RHEB: variants seen among roughly 807,000 people sequenced by gnomAD.
The protein encoded by RHEB is Ras homolog, mTORC1 binding, also known as GTP-binding protein Rheb.
A neutral mutation model predicts 28.8 loss-of-function variants in RHEB; 2 were observed. The observed-to-expected ratio is 0.07, with a 90% CI of 0.03 to 0.22. The LOEUF (loss-of-function observed/expected upper bound fraction) is 0.22, where lower values mean the gene tolerates loss of function less well. Among genes scored for constraint, RHEB ranks in the 10% least tolerant of loss-of-function variants. The pLI, the probability that RHEB is intolerant of heterozygous loss-of-function variation, is 1.00. For missense variants in RHEB, 76 were observed against 219.9 expected (o/e 0.35, Z 4.14); for synonymous variants, 69 against 77.3 (o/e 0.89, Z 0.56).
In RHEB at chr7:151,519,611, A is replaced by G. The variant is rs1803145635; in HGVS notation, c.-100T>C. 4.2e-6 allele frequency: 5 copies of G among 1,201,896 alleles called. No individual in the cohort carries two copies. The South Asian group carries it at 6.3e-5, about 15-fold the overall frequency. 74.5% of individuals were successfully genotyped at this position (1,201,896 alleles called of 1,614,324 possible). ...CGGCCGCGCCGGGAGAGAGCGGCAT[A>G]CAGAGCAGGGGCGGCGGCGGGCGCG... On this transcript the variant is annotated 5_prime_UTR_variant, in exon 1 of 8. Transcript: ENST00000262187.
chr7:151,483,012 C>A (rs1158199273), intron 3 of RHEB, among the ~76,000 whole-genome samples: 1 of 152,172 alleles, frequency 6.6e-6, no homozygotes, highest in Non-Finnish European at 1.5e-5. Context: ...CCTAGGATGG[C>A]TCTGCTCTAA....
At chr7:151,507,694 G>GA (rs1669358541) in intron 1 of RHEB, among the ~76,000 whole-genome samples, 4 of 151,932 alleles carry the variant, frequency 2.6e-5, no homozygotes, top group South Asian at 2.1e-4. Context: ...TTAAAAAAAA[G>GA]AAAAAATTAA....
rs186543410 is a variant in RHEB, at chr7:151,508,907, A to G, written c.52+10553T>C. Among the ~76,000 whole-genome samples, 25 of 152,304 alleles carry G rather than the reference A, an allele frequency of 1.6e-4. No homozygotes were observed. In the East Asian group the frequency reaches 4.6e-3, roughly 28 times the overall value. On this transcript the variant is annotated intron_variant, in intron 1 of 7. Transcript: ENST00000262187. ...TCCAGAAATACTTCCATAGAAGTCT[A>G]AAAAAATTGGAAGGTAGGCTCATTT...
intron 4 of RHEB, among the ~76,000 whole-genome samples, chr7:151,474,713 GC>G (rs763898330): frequency 2.0e-5 from 3 of 152,104 alleles, no homozygotes; most frequent in Non-Finnish European, 4.4e-5. Flanking sequence ...CTCAGAAAGA[GC>G]AATTCTACAG....
Position 151,519,630 on chromosome 7 carries a change from G to A in RHEB, c.-119C>T. ...CGGCATACAGAGCAGGGGCGGCGGC[G>A]GGCGCGGCTGCCTCTCGCTCGCTAG... On this transcript the variant is annotated 5_prime_UTR_variant, in exon 1 of 8. Coordinates refer to ENST00000262187, the MANE Select transcript of RHEB (RefSeq NM_005614.4). 3.3e-6 allele frequency: 3 copies of A among 896,310 alleles called. No homozygotes were observed. Among genetic ancestry groups the A allele is most frequent in the Non-Finnish European group, 4.5e-6 (3 of 667,072 alleles). 55.5% of individuals were successfully genotyped at this position (896,310 alleles called of 1,614,324 possible). A position where few individuals can be genotyped will look rare whatever the true frequency, so the allele number is the denominator to read the frequency against.
intron 1 of RHEB, among the ~76,000 whole-genome samples, chr7:151,510,939 C>A (rs1247393198): frequency 6.6e-6 from 1 of 152,028 alleles, no homozygotes; most frequent in Non-Finnish European, 1.5e-5. Context: ...ATAGCCAGGG[C>A]ATGGTGGCAC....
At chr7:151,486,191 T>C (rs1250474701) in intron 2 of RHEB, among the ~76,000 whole-genome samples, 1 of 152,178 alleles carries the variant, frequency 6.6e-6, no homozygotes, top group Non-Finnish European at 1.5e-5. Context: ...TATTTCAGAT[T>C]TGATGAGAAG....
chr7:151,478,442 TA>T (rs1327496356), intron 3 of RHEB, among the ~76,000 whole-genome samples: 1 of 150,418 alleles, frequency 6.6e-6, no homozygotes, highest in Non-Finnish European at 1.5e-5. Context: ...TTTGATATAA[TA>T]AATAAGATTA....
intron 3 of RHEB, among the ~76,000 whole-genome samples, chr7:151,483,976 G>C (rs1489932375): frequency 1.3e-5 from 2 of 152,068 alleles, no homozygotes; most frequent in Non-Finnish European, 2.9e-5. Context: ...TATCCTTTCT[G>C]GGGGGATTAT....
At chr7:151,475,634 T>A (rs1802258239) in intron 4 of RHEB, among the ~76,000 whole-genome samples, 2 of 152,158 alleles carry the variant, frequency 1.3e-5, no homozygotes, top group African/African-American at 4.8e-5. Context: ...TATAAGTCAG[T>A]AAGAAAATGA....
intron 1 of RHEB, among the ~76,000 whole-genome samples, chr7:151,496,137 C>T (rs568006061): frequency 6.6e-5 from 10 of 152,320 alleles, no homozygotes; most frequent in African/African-American, 2.4e-4. Flanking sequence ...ACCTCAAATT[C>T]ACAACATAAC....
At chr7:151,485,484 G>C (rs1370873119) in intron 2 of RHEB, among the ~76,000 whole-genome samples, 1 of 152,160 alleles carries the variant, frequency 6.6e-6, no homozygotes, top group Admixed American at 6.5e-5. Flanking sequence ...ACTACTAACA[G>C]AAACAATGTA....
chr7:151,511,782 C>G (rs1383156641), intron 1 of RHEB, among the ~76,000 whole-genome samples: 1 of 151,952 alleles, frequency 6.6e-6, no homozygotes, highest in Admixed American at 6.5e-5. Flanking sequence ...TCCCTAGTAG[C>G]TGGGATTACA....
At chr7:151,499,820 T>C (rs1802740758) in intron 1 of RHEB, among the ~76,000 whole-genome samples, 1 of 152,212 alleles carries the variant, frequency 6.6e-6, no homozygotes, top group Non-Finnish European at 1.5e-5. Context: ...GAAGTGTCTT[T>C]TTTTCGGAGA....
intron 2 of RHEB, among the ~76,000 whole-genome samples, chr7:151,486,352 A>G (rs1802473464): frequency 6.6e-6 from 1 of 152,132 alleles, no homozygotes; most frequent in African/African-American, 2.4e-5. Flanking sequence ...TTGAGTGCCT[A>G]TTATCACCAG....
intron 1 of RHEB, chr7:151,502,178 G>C (rs1050514695): frequency 2.3e-6 from 1 of 436,916 alleles, no homozygotes; most frequent in South Asian, 2.8e-5. Flanking sequence ...TTATGTGGCA[G>C]TGAGGCAAGA....
chr7:151,507,419 A>T (rs1444575412), intron 1 of RHEB, among the ~76,000 whole-genome samples: 3 of 152,302 alleles, frequency 2.0e-5, no homozygotes, highest in South Asian at 4.1e-4. Flanking sequence ...AGTGTCACTA[A>T]GGAAGTGTTT....
chr7:151,516,000 G>A (rs1376290512), intron 1 of RHEB, among the ~76,000 whole-genome samples: 1 of 152,146 alleles, frequency 6.6e-6, no homozygotes, highest in Non-Finnish European at 1.5e-5. Flanking sequence ...AAATCCCAGT[G>A]AAAGATGTAC....
At chr7:151,469,401 G>A (rs552112128) in intron 7 of RHEB, among the ~76,000 whole-genome samples, 1 of 152,346 alleles carries the variant, frequency 6.6e-6, no homozygotes, top group East Asian at 1.9e-4. Context: ...GATGGATCCA[G>A]AGGGGGTCAA....
Sources: allele counts gnomAD v4.1 joint callset (sites outside exome capture counted in the v4.1 genomes callset), GRCh38; gene constraint gnomAD v4.1.1; transcripts MANE v1.5; gene names NCBI Gene and HGNC (gene_info 2026-07-23, HGNC 2026-07-21).